The following TLE6 variants were observed in gnomAD, a reference collection of about 807,000 sequenced individuals.
TLE6 encodes TLE family member 6, subcortical maternal complex member.
TLE6 carries 72 observed loss-of-function variants against 77.1 expected under a neutral mutation model. The ratio of observed to expected loss-of-function variants is 0.93; its 90% CI spans 0.77 to 1.14. The LOEUF (loss-of-function observed/expected upper bound fraction) is 1.14. TLE6 is among the 50% of genes most tolerant of loss of function. The pLI, the probability that TLE6 is intolerant of heterozygous loss-of-function variation, is 0.00. For missense variants in TLE6, 843 were observed against 747.6 expected (o/e 1.13, Z -1.49); for synonymous variants, 366 against 287.3 (o/e 1.27, Z -2.77).
intron 13 of TLE6, among the ~76,000 whole-genome samples, chr19:2,991,454 A>G (rs2089062355): frequency 6.7e-6 from 1 of 150,364 alleles, no homozygotes; most frequent in African/African-American, 2.5e-5. Flanking sequence ...TTTATAACAT[A>G]TAAGATATCT....
chr19:2,989,546 C>A lies in TLE6; in HGVS notation c.1005C>A (p.Ala335=). 2 of 1,612,204 alleles carry A rather than the reference C, an allele frequency of 1.2e-6. No individual in the cohort carries two copies. The highest frequency in any genetic ancestry group is 1.7e-6 in the Non-Finnish European group (2 of 1,179,688). The change falls in exon 13 of 17, where the codon GCC becomes GCA. Residue 335 remains alanine (A), a synonymous_variant. Coordinates refer to ENST00000246112, the MANE Select transcript of TLE6 (RefSeq NM_001143986.2). ...ESHLPIQTPG[A]FLRTCLLSSN... is the part of the protein sequence containing the mutation. Reference sequence around the variant, plus strand: ...TCTGCCCATCCCAGACCCCTGGGGCCTTCCTGCGCACCTGCCTGCTGTCCT... The same window carrying A: ...TCTGCCCATCCCAGACCCCTGGGGCATTCCTGCGCACCTGCCTGCTGTCCT...
chr19:2,983,520 G>C (rs887448585), intron 5 of TLE6, among the ~76,000 whole-genome samples: 19 of 152,082 alleles, frequency 1.2e-4, no homozygotes, highest in Non-Finnish European at 2.4e-4. Context: ...ATTTCAGGCA[G>C]AGGGCACAGC....
chr19:2,978,264 G>A lies in TLE6; in HGVS notation c.31G>A (p.Gly11Ser). The stretch of plus-strand genomic sequence containing the variant: ...CTCTAGGGACCAGCCCAGACCCAAG[G>A]GCCCCCCGAAAAGCACTTCGGTGAG... MTSRDQPRPK[G>S]PPKSTSPCPG... The change falls in exon 2 of 17, where the codon GGC (glycine) becomes AGC (serine). Residue 11 changes from glycine to serine, a missense_variant. Transcript: ENST00000246112. 6.4e-7 allele frequency: 1 copy of A among 1,551,470 alleles called. No homozygotes were observed. Among genetic ancestry groups the A allele is most frequent in the Middle Eastern group, 1.7e-4 (1 of 5,984 alleles).
rs2088928610 is a variant in TLE6, at chr19:2,987,091, C to T, written c.394C>T (p.Leu132Phe). Residue 132 changes from leucine to phenylalanine, a missense_variant, in exon 7 of 17, where the codon CTC (leucine) becomes TTC (phenylalanine). Leu to Phe is a conservative substitution (Grantham distance 22). Transcript: ENST00000246112. Reference protein sequence around the residue: ...DIMATRSSDWLRRPLGEDNQP... With the variant: ...DIMATRSSDWFRRPLGEDNQP... ...CATGGCCACCAGGTCCTCCGACTGG[C>T]TCCGGCGGCCTTTGGGGGAGGACAA... 6.2e-7 allele frequency: 1 copy of T among 1,614,174 alleles called. No individual in the cohort carries two copies. Among genetic ancestry groups the T allele is most frequent in the South Asian group, 1.1e-5 (1 of 91,088 alleles).
intron 14 of TLE6, among the ~76,000 whole-genome samples, chr19:2,992,991 A>C (rs1051400419): frequency 6.8e-6 from 1 of 147,844 alleles, no homozygotes; most frequent in East Asian, 2.0e-4. Flanking sequence ...AAGTTCAAGA[A>C]CAGCCTGACC....
Position 2,987,346 on chromosome 19 carries a change from A to G in TLE6, c.542-10A>G. The G allele has an allele frequency of 6.2e-7, 1 of 1,614,128 alleles. No individual in the cohort carries two copies. The highest frequency in any genetic ancestry group is 8.5e-7 in the Non-Finnish European group (1 of 1,180,024). On this transcript the variant is annotated splice_polypyrimidine_tract_variant and intron_variant, in intron 7 of 16. Coordinates refer to ENST00000246112, the MANE Select transcript of TLE6 (RefSeq NM_001143986.2). The stretch of plus-strand genomic sequence containing the variant: ...TGTCCCCCTCCTCCTCTCCGTTGTC[A>G]TGGTGACAGAGCAGGCACCAGGCCT...
chr19:2,979,360 C>T (rs1255676890), intron 2 of TLE6, among the ~76,000 whole-genome samples: 6 of 152,036 alleles, frequency 3.9e-5, no homozygotes, highest in African/African-American at 1.2e-4. Context: ...GATTCTCCTG[C>T]CTCAGCCTCC....
Position 2,993,677 on chromosome 19 carries a change from A to G in TLE6, c.1537+95A>G, listed in dbSNP as rs1441127535. 2.1e-6 allele frequency: 3 copies of G among 1,430,756 alleles called. No homozygotes were observed. In the African/African-American group the frequency reaches 4.3e-5, roughly 21 times the overall value. 88.6% of individuals were successfully genotyped at this position (1,430,756 alleles called of 1,614,324 possible). On this transcript the variant is annotated intron_variant, in intron 15 of 16. Transcript: ENST00000246112. ...CCAGCTCCCCACCCAACCCTCTAGG[A>G]CACCTCAGAACCCTTCTGTAGCAGA...
intron 5 of TLE6, among the ~76,000 whole-genome samples, chr19:2,985,701 G>A (rs2088894604): frequency 6.7e-6 from 1 of 150,022 alleles, no homozygotes. Context: ...TTACAGGCGT[G>A]AGCCACCGCA....
Position 2,978,275 on chromosome 19 carries a change from A to G in TLE6, c.42A>G (p.Lys14=). 6.4e-7 allele frequency: 1 copy of G among 1,551,408 alleles called. No individual in the cohort carries two copies. Among genetic ancestry groups the G allele is most frequent in the African/African-American group, 1.4e-5 (1 of 73,118 alleles). ...AGCCCAGACCCAAGGGCCCCCCGAA[A>G]AGCACTTCGGTGAGGAGGGCATGTG... is the stretch of plus-strand genomic sequence containing the variant. The part of the protein sequence containing the change: ...RDQPRPKGPP[K]STSPCPGISN... Residue 14 remains lysine (K), a synonymous_variant, in exon 2 of 17, where the codon AAA becomes AAG. Transcript: ENST00000246112.
chr19:2,984,349 C>CG (rs1568211195), intron 5 of TLE6: 1 of 144,052 alleles, frequency 6.9e-6, no homozygotes, highest in Non-Finnish European at 1.5e-5. Context: ...GTCCCCCCCC[C>CG]CCCGCGGGGC....
rs1423664576 is a variant in TLE6 at position 2,995,045 on chromosome 19, ATCCCCCCCCT to A, written c.*51_*60del. 11 of 1,170,338 alleles carry A rather than the reference ATCCCCCCCCT, an allele frequency of 9.4e-6. No homozygotes were observed. The highest frequency in any genetic ancestry group is 1.2e-5 in the Non-Finnish European group (10 of 841,006). The allele number at this position is 1,170,338 out of a possible 1,614,324, so 72.5% of individuals were successfully genotyped here. ...TCATCCCACTCCGGCTCCTCTTTTC[ATCCCCCCCCT>A]TCCCCCCCCCCAACAAGGGGGACAT... On this transcript the variant is annotated 3_prime_UTR_variant, in exon 17 of 17. Transcript: ENST00000246112.
intron 4 of TLE6, 126 bp downstream of exon 4, chr19:2,981,709 G>A (rs991050712): frequency 1.6e-5 from 17 of 1,038,164 alleles, no homozygotes; most frequent in Middle Eastern, 2.4e-4. Context: ...TGTGCCTCAC[G>A]CCTGTAATCC....
intron 2 of TLE6, 133 bp downstream of exon 2, chr19:2,978,417 C>A: frequency 1.2e-6 from 1 of 837,300 alleles, no homozygotes; most frequent in Non-Finnish European, 1.9e-6. Flanking sequence ...GTCGCTGCTA[C>A]ACTCAAGACA....
chr19:2,992,045 T>G lies in TLE6; in HGVS notation c.1386+61T>G. The G allele has an allele frequency of 2.5e-6, 4 of 1,591,720 alleles. No individual in the cohort carries two copies. The South Asian group carries it at 4.5e-5, about 18-fold the overall frequency. On this transcript the variant is annotated intron_variant, in intron 14 of 16. Transcript: ENST00000246112. ...ATCCTCTGGTCCTCAGATTAAAAAATGAGGTTGAGGCCGGGCTCCGTGGCT... is the reference window on the plus strand; with the variant it reads ...ATCCTCTGGTCCTCAGATTAAAAAAGGAGGTTGAGGCCGGGCTCCGTGGCT...
chr19:2,986,989 C>A lies in TLE6; in HGVS notation c.292C>A (p.Pro98Thr), dbSNP rs1249687277. 6.2e-7 allele frequency: 1 copy of A among 1,611,534 alleles called. No individual in the cohort carries two copies. Residue 98 changes from proline (P) to threonine (T), a missense_variant, in exon 7 of 17, where the codon CCT becomes ACT. Pro to Thr is a conservative substitution (Grantham distance 38, BLOSUM62 -1). Transcript: ENST00000246112. The part of the protein sequence containing the change: ...LQGFQSEEVS[P>T]AEPASPGTPQ... ...CTTGTTCCTGCCGGGCCAGGTCTCA[C>A]CTGCTGAACCAGCCAGCCCTGGGAC...
rs1338237005 is a variant in TLE6, at chr19:2,995,148, C to T, written c.*144C>T. On this transcript the variant is annotated 3_prime_UTR_variant, in exon 17 of 17. Transcript: ENST00000246112. Reference sequence around the variant, plus strand: ...CTAGTCTGTGGTGTAGACTGGTCGCCATCACGTGTAATAAAGCACCCGGGA... The same window carrying T: ...CTAGTCTGTGGTGTAGACTGGTCGCTATCACGTGTAATAAAGCACCCGGGA... The T allele has an allele frequency of 5.7e-6, 3 of 528,094 alleles. No homozygotes were observed. The highest frequency in any genetic ancestry group is 1.0e-5 in the Non-Finnish European group (3 of 295,834). The allele number at this position is 528,094 out of a possible 1,614,324, so 32.7% of individuals were successfully genotyped here.
intron 5 of TLE6, among the ~76,000 whole-genome samples, chr19:2,986,574 T>C (rs1192544342): frequency 6.7e-6 from 1 of 149,300 alleles, no homozygotes; most frequent in Non-Finnish European, 1.5e-5. Flanking sequence ...ATTAGCTGGG[T>C]GTGGTGGTGT....
Position 2,993,026 on chromosome 19 carries a change from TAAAAAAAAAAA to T in TLE6, c.1387-389_1387-379del, listed in dbSNP as rs377287142. ...CAACATGGTGAAACCCCGTCTCTAC[TAAAAAAAAAAA>T]AAAAAAAAAAAAAAAACAGAATAAT... On this transcript the variant is annotated intron_variant, in intron 14 of 16. Coordinates refer to ENST00000246112, the MANE Select transcript of TLE6 (RefSeq NM_001143986.2). Among the ~76,000 whole-genome samples the T allele has an allele frequency of 1.9e-4, 9 of 48,354 alleles. No individual in the cohort carries two copies. The East Asian group carries it at 5.4e-3, about 29-fold the overall frequency. The allele number at this position is 48,354 out of a possible 152,430, so 31.7% of individuals were successfully genotyped here. A position where few individuals can be genotyped will look rare whatever the true frequency, so the allele number is the denominator to read the frequency against.
Sources: allele counts gnomAD v4.1 joint callset (sites outside exome capture counted in the v4.1 genomes callset), GRCh38; gene constraint gnomAD v4.1.1; transcripts MANE v1.5; gene names NCBI Gene and HGNC (gene_info 2026-07-23, HGNC 2026-07-21).